The following DPP7 variants were observed in gnomAD, a reference collection of about 807,000 sequenced individuals.
DPP7 encodes dipeptidyl peptidase 7, also known as dipeptidyl peptidase 2.
DPP7 carries 74 observed loss-of-function variants against 58.8 expected under a neutral mutation model. The ratio of observed to expected loss-of-function variants is 1.26; its 90% CI spans 1.04 to 1.53. DPP7 has a LOEUF of 1.53. DPP7 is among the 40% of genes most tolerant of loss of function. DPP7 has a pLI of 0.00. For synonymous variants in DPP7, 350 were observed against 303.6 expected (o/e 1.15, Z -1.59); for missense variants, 807 against 692.3 (o/e 1.17, Z -1.86).
chr9:137,116,048 A>C (rs1239341241), upstream of DPP7, among the ~76,000 whole-genome samples: 2 of 152,118 alleles, frequency 1.3e-5, no homozygotes, highest in Non-Finnish European at 2.9e-5. Context: ...CTAGGCCGAG[A>C]GCTGGCCAGC....
intron 11 of DPP7, 91 bp downstream of exon 11, chr9:137,111,599 C>T (rs559222362): frequency 2.2e-5 from 32 of 1,452,170 alleles, no homozygotes; most frequent in Non-Finnish European, 2.9e-5. Context: ...GATCTCGCCA[C>T]TGTATTCCAG....
chr9:137,112,461 G>A (rs61730157), intron 8 of DPP7: 10,267 of 624,050 alleles, frequency 0.016, 113 homozygotes, highest in South Asian at 0.029. Flanking sequence ...GGGCAGGGTG[G>A]GGCCTGCTGC....
intron 11 of DPP7, among the ~76,000 whole-genome samples, 155 bp from the exon 12 acceptor site, chr9:137,111,105 C>A (rs111227467): frequency 3.2e-4 from 49 of 152,232 alleles, no homozygotes; most frequent in African/African-American, 1.1e-3. Context: ...TGGGAAGTGA[C>A]GAGATGATGG....
chr9:137,111,791 C>T, intron 10 of DPP7, 37 bp from the exon 11 acceptor site: 13 of 1,613,412 alleles, frequency 8.1e-6, no homozygotes, highest in Non-Finnish European at 1.1e-5. Flanking sequence ...GTGGGCCCCT[C>T]ACGGGGGCTG....
intron 11 of DPP7, among the ~76,000 whole-genome samples, chr9:137,111,420 C>T (rs146326996): frequency 2.0e-5 from 3 of 152,152 alleles, no homozygotes; most frequent in African/African-American, 4.8e-5. Flanking sequence ...GGAGGCCATG[C>T]GGGGAAGATC....
Position 137,113,878 on chromosome 9 carries a change from C to G in DPP7, c.472G>C (p.Ala158Pro), listed in dbSNP as rs1358745683. The G allele has an allele frequency of 1.5e-5, 24 of 1,550,568 alleles. No individual in the cohort carries two copies. Among genetic ancestry groups the G allele is most frequent in the Non-Finnish European group, 2.1e-5 (24 of 1,153,596 alleles). ...GGAGGCGCCCACCTTCCACCGAAGG[C>G]GATGGCGGGGGCATCCTGGGCCCCG... The part of the protein sequence containing the change: ...DLGAQDAPAI[A>P]FGGSYGGMLS... The change falls in exon 4 of 13, where the codon GCC becomes CCC. Residue 158 changes from alanine (A) to proline (P), a missense_variant. By Grantham distance (27) the Ala-to-Pro change is conservative. Around this residue, in one of 3 missense-constraint regions of DPP7, gnomAD observed 624 missense variants for 531.2 expected, o/e 1.17. Coordinates refer to ENST00000371579, the MANE Select transcript of DPP7 (RefSeq NM_013379.3).
upstream of DPP7, among the ~76,000 whole-genome samples, chr9:137,116,966 GAC>G (rs1831655061): frequency 1.3e-5 from 2 of 152,302 alleles, no homozygotes; most frequent in African/African-American, 4.8e-5. Context: ...AGCTATTTGT[GAC>G]ACAGATGCCT....
Position 137,110,680 on chromosome 9 carries a change from C to T in DPP7, c.1447G>A (p.Ala483Thr). 7 of 1,609,676 alleles carry T rather than the reference C, an allele frequency of 4.3e-6. No homozygotes were observed. The highest frequency in any genetic ancestry group is 5.9e-6 in the Non-Finnish European group (7 of 1,179,960). ...CTGAGTCTGGGCCCCCCACGCAGAGCTGGCTGCTGCTCACGCCTGGCTGCC... is the reference window on the plus strand; with the variant it reads ...CTGAGTCTGGGCCCCCCACGCAGAGTTGGCTGCTGCTCACGCCTGGCTGCC... Reference protein sequence around the residue: ...VKAARREQQPALRGGPRLSL With the variant: ...VKAARREQQPTLRGGPRLSL The change falls in exon 13 of 13, where the codon GCT becomes ACT. Residue 483 changes from alanine to threonine, a missense_variant. This residue lies in a region of DPP7 where 624 missense variants were observed against 531.2 expected (regional missense o/e 1.17). Coordinates refer to ENST00000371579, the MANE Select transcript of DPP7 (RefSeq NM_013379.3).
chr9:137,112,746 T>A lies in DPP7; in HGVS notation c.930A>T (p.Ala310=). 1 of 1,603,584 alleles carries A rather than the reference T, an allele frequency of 6.2e-7. No individual in the cohort carries two copies. Residue 310 remains alanine, a splice_region_variant and synonymous_variant, in exon 8 of 13, where the codon GCA becomes GCT. Transcript: ENST00000371579. ...CATCTGGGGCCGGGGGAAGGGCACC[T>A]GCCAGTGCTCGCAGCCCCGTGATCC... is the stretch of plus-strand genomic sequence containing the variant. ...AQRITGLRAL[A]GLVYNASGSE...
chr9:137,113,487 C>T lies in DPP7; in HGVS notation c.495G>A (p.Gly165=). The T allele has an allele frequency of 3.2e-6, 5 of 1,564,178 alleles. No individual in the cohort carries two copies. The highest frequency in any genetic ancestry group is 4.3e-6 in the Non-Finnish European group (5 of 1,153,702). Residue 165 remains glycine (G), a synonymous_variant, in exon 5 of 13, where the codon GGG becomes GGA. Coordinates refer to ENST00000371579, the MANE Select transcript of DPP7 (RefSeq NM_013379.3). ...PAIAFGGSYG[G]MLSAYLRMKY... ...TCATCCTCAGGTAGGCACTGAGCAT[C>T]CCCCCATAACTGGGTGAGGGACACA...
chr9:137,110,927 T>C lies in DPP7; in HGVS notation c.1296A>G (p.Ser432=). 1 of 1,613,082 alleles carries C rather than the reference T, an allele frequency of 6.2e-7. No homozygotes were observed. The highest frequency in any genetic ancestry group is 1.3e-5 in the African/African-American group (1 of 75,002). The change falls in exon 12 of 13, where the codon TCA becomes TCG. Residue 432 remains serine, a synonymous_variant. Coordinates refer to ENST00000371579, the MANE Select transcript of DPP7 (RefSeq NM_013379.3). Reference sequence around the variant, plus strand: ...CCCCCTGGATGGTGACGGCGATGACTGAGGCACTCAGGTTCCTCCGAATCT... The same window carrying C: ...CCCCCTGGATGGTGACGGCGATGACCGAGGCACTCAGGTTCCTCCGAATCT... ...GGGIRRNLSA[S]VIAVTIQGGA... is the part of the protein sequence containing the mutation.
chr9:137,117,594 C>A (rs560141237), upstream of DPP7, among the ~76,000 whole-genome samples: 1 of 152,354 alleles, frequency 6.6e-6, no homozygotes, highest in South Asian at 2.1e-4. Context: ...TGCTGGGACA[C>A]CCAGTCCCAC....
At chr9:137,117,381 C>G (rs966179297), upstream of DPP7, among the ~76,000 whole-genome samples, 1 of 152,226 alleles carries the variant, frequency 6.6e-6, no homozygotes, top group African/African-American at 2.4e-5. Context: ...CAGACACCCC[C>G]GATCTCTCTC....
chr9:137,114,605 G>A, intron 1 of DPP7, 29 bp from the exon 2 acceptor site: 2 of 1,456,334 alleles, frequency 1.4e-6, no homozygotes, highest in Non-Finnish European at 1.8e-6. Context: ...CTCAGAGGCG[G>A]GGCCGGGACC....
chr9:137,110,826 G>A (rs367638695), intron 12 of DPP7, 43 bp from the exon 13 acceptor site: 25 of 1,602,118 alleles, frequency 1.6e-5, no homozygotes, highest in Admixed American at 5.1e-5. Flanking sequence ...CCCAGCCCTC[G>A]GTGAGCCTGT....
At position 137,113,134 on chromosome 9, in the gene DPP7, C is replaced by T. The variant is rs369587521; in HGVS notation, c.704-15G>A. ...CGTGTCGTAGGCTGCGTGGAAGGGG[C>T]AGAGACTTGAAGTTTGGGCATAGCT... On this transcript the variant is annotated splice_polypyrimidine_tract_variant and intron_variant, in intron 6 of 12. Coordinates refer to ENST00000371579, the MANE Select transcript of DPP7 (RefSeq NM_013379.3). The T allele has an allele frequency of 1.6e-4, 258 of 1,613,646 alleles. No individual in the cohort carries two copies. Among genetic ancestry groups the T allele is most frequent in the Non-Finnish European group, 2.1e-4 (248 of 1,180,016 alleles).
chr9:137,113,301 A>G lies in DPP7; in HGVS notation c.622-14T>C, dbSNP rs369062696. On this transcript the variant is annotated splice_polypyrimidine_tract_variant and intron_variant, in intron 5 of 12. Transcript: ENST00000371579. ...GCCCTCAAAGTCCTGGGGGAAAGAG[A>G]CCGTGCTGACTGCAGCTGCTGTCCC... 8 of 1,613,250 alleles carry G rather than the reference A, an allele frequency of 5.0e-6. No homozygotes were observed. In the African/African-American group the frequency reaches 8.0e-5, roughly 16 times the overall value.
At position 137,113,958 on chromosome 9, in the gene DPP7, A is replaced by G. The variant is rs753164277; in HGVS notation, c.392T>C (p.Val131Ala). Reference protein sequence around the residue: ...TQRGHTELLTVEQALADFAEL... With the variant: ...TQRGHTELLTAEQALADFAEL... ...TGCGAAGTCGGCCAGGGCCTGCTCC[A>G]CCGTCAGCAGCTCCGTGTGCCCGCG... Residue 131 changes from valine to alanine, a missense_variant, in exon 4 of 13, where the codon GTG (valine) becomes GCG (alanine). By Grantham distance (64) the Val-to-Ala change is moderately conservative. Coordinates refer to ENST00000371579, the MANE Select transcript of DPP7 (RefSeq NM_013379.3). 6.3e-7 allele frequency: 1 copy of G among 1,587,140 alleles called. No homozygotes were observed. The highest frequency in any genetic ancestry group is 1.1e-5 in the South Asian group (1 of 89,286).
At chr9:137,118,020 C>T (rs1831669609), upstream of DPP7, among the ~76,000 whole-genome samples, 1 of 151,908 alleles carries the variant, frequency 6.6e-6, no homozygotes, top group African/African-American at 2.4e-5. Flanking sequence ...CAGAGTCTCA[C>T]TCTGTTGTCC....
Sources: allele counts gnomAD v4.1 joint callset (sites outside exome capture counted in the v4.1 genomes callset), GRCh38; gene constraint gnomAD v4.1.1; regional missense constraint gnomAD v4.1.1; transcripts MANE v1.5; gene names NCBI Gene and HGNC (gene_info 2026-07-23, HGNC 2026-07-21).